CEP135: variants seen among roughly 807,000 people sequenced by gnomAD.
CEP135 encodes the protein centrosomal protein of 135 kDa.
Under a neutral mutation model 157.3 loss-of-function variants are expected in CEP135, and 142 were observed. The ratio of observed to expected loss-of-function variants is 0.90; its 90% CI spans 0.79 to 1.04. CEP135 has a LOEUF of 1.04. CEP135 is among the 50% of genes least tolerant of loss of function. The pLI is 0.00. For synonymous variants in CEP135, 396 were observed against 439.8 expected (o/e 0.90, Z 1.25); for missense variants, 1,317 against 1,309.2 (o/e 1.01, Z -0.09).
intron 5 of CEP135, among the ~76,000 whole-genome samples, chr4:55,959,039 C>T (rs1728594814): frequency 1.3e-5 from 2 of 152,130 alleles, no homozygotes; most frequent in East Asian, 1.9e-4. Context: ...GAGCTGTGAT[C>T]GGGCCACAGG....
At chr4:55,987,970 A>G (rs897145135) in intron 14 of CEP135, among the ~76,000 whole-genome samples, 1 of 152,164 alleles carries the variant, frequency 6.6e-6, no homozygotes, top group African/African-American at 2.4e-5. Context: ...AAAGCATGAC[A>G]AATCCCAAGC....
chr4:55,964,456 A>G lies in CEP135; in HGVS notation c.828+54A>G, dbSNP rs1728782594. 11 of 1,422,758 alleles carry G rather than the reference A, an allele frequency of 7.7e-6. No homozygotes were observed. In the South Asian group the frequency reaches 1.3e-4, roughly 17 times the overall value. The allele number at this position is 1,422,758 out of a possible 1,614,324, so 88.1% of individuals were successfully genotyped here. A position where few individuals can be genotyped will look rare whatever the true frequency, so the allele number is the denominator to read the frequency against. On this transcript the variant is annotated intron_variant, in intron 7 of 25. Coordinates refer to ENST00000257287, the MANE Select transcript of CEP135 (RefSeq NM_025009.5). ...GTGTATATAATGGTGTTTATAATAA[A>G]CACTATATGTTTATAATGGTCTATG...
chr4:56,004,511 T>C (rs1730285562), intron 17 of CEP135, among the ~76,000 whole-genome samples: 1 of 152,206 alleles, frequency 6.6e-6, no homozygotes, highest in African/African-American at 2.4e-5. Context: ...GGTGGTGAAG[T>C]CCCCTACCAT....
At chr4:56,029,326 C>T (rs1731259684) in intron 25 of CEP135, among the ~76,000 whole-genome samples, 1 of 152,186 alleles carries the variant, frequency 6.6e-6, no homozygotes, top group African/African-American at 2.4e-5. Flanking sequence ...CCCCTCTCCT[C>T]TTTTTGGAAG....
At chr4:55,989,364 A>G (rs1437614745) in intron 14 of CEP135, among the ~76,000 whole-genome samples, 3 of 152,232 alleles carry the variant, frequency 2.0e-5, no homozygotes, top group Non-Finnish European at 4.4e-5. Context: ...TAACAGTCAT[A>G]TAAAGTAAAT....
chr4:56,004,069 C>T (rs576782071), intron 17 of CEP135, among the ~76,000 whole-genome samples: 9 of 152,140 alleles, frequency 5.9e-5, no homozygotes, highest in Non-Finnish European at 1.0e-4. Flanking sequence ...CCTCTTAGCA[C>T]TGTTTTTGCT....
chr4:56,017,929 C>T, intron 22 of CEP135, 72 bp downstream of exon 22: 1 of 1,255,000 alleles, frequency 8.0e-7, no homozygotes, highest in African/African-American at 1.5e-5. Flanking sequence ...TTAGTATTCA[C>T]CACACCATGC....
At chr4:55,982,086 C>G (rs1488220593) in intron 13 of CEP135, among the ~76,000 whole-genome samples, 1 of 152,112 alleles carries the variant, frequency 6.6e-6, no homozygotes, top group African/African-American at 2.4e-5. Context: ...CAAAAAGAAA[C>G]TCTGAAGCAC....
intron 15 of CEP135, among the ~76,000 whole-genome samples, chr4:55,993,746 C>G (rs1377132170): frequency 6.6e-6 from 1 of 152,168 alleles, no homozygotes. Flanking sequence ...GAGGCTGTTT[C>G]CAGTCTTAGA....
At chr4:56,012,970 G>A (rs959918542) in intron 21 of CEP135, among the ~76,000 whole-genome samples, 6 of 152,222 alleles carry the variant, frequency 3.9e-5, no homozygotes, top group Non-Finnish European at 5.9e-5. Flanking sequence ...GAATAGCCAT[G>A]TGGTTTTTCC....
intron 5 of CEP135, 109 bp downstream of exon 5, chr4:55,957,473 T>G (rs777553062): frequency 4.5e-4 from 438 of 971,626 alleles, no homozygotes; most frequent in Non-Finnish European, 6.0e-4. Flanking sequence ...CTCCAGTGTC[T>G]AGCACAGAAC....
chr4:56,006,638 T>G (rs997585073), intron 17 of CEP135, among the ~76,000 whole-genome samples: 4 of 152,114 alleles, frequency 2.6e-5, no homozygotes, highest in African/African-American at 9.7e-5. Flanking sequence ...ATTAAAAATT[T>G]TTTTCTGATA....
chr4:55,999,298 TTAGGA>T lies in CEP135; in HGVS notation c.2010_2014del (p.Arg670SerfsTer3). The T allele has an allele frequency of 1.4e-5, 22 of 1,608,700 alleles. No individual in the cohort carries two copies. The highest frequency in any genetic ancestry group is 1.9e-5 in the Non-Finnish European group (22 of 1,176,334). On this transcript the variant is annotated splice_acceptor_variant and splice_polypyrimidine_tract_variant and coding_sequence_variant and intron_variant, in exon 16 of 26. Transcript: ENST00000257287. LOFTEE classifies it high-confidence loss of function. ...CCATTTGTTTTTGTCCATTGATTCT[TTAGGA>T]TAGTGAATGAGCAGCTACAGCGGTC...
intron 13 of CEP135, among the ~76,000 whole-genome samples, chr4:55,984,563 GGTATAGA>G (rs1729513250): frequency 6.6e-6 from 1 of 152,100 alleles, no homozygotes; most frequent in African/African-American, 2.4e-5. Context: ...CTTGGTGCTT[GGTATAGA>G]GTATGTACTC....
chr4:55,964,250 A>C (rs1483521483), intron 6 of CEP135, 24 bp from the exon 7 acceptor site: 1 of 1,577,068 alleles, frequency 6.3e-7, no homozygotes. Context: ...ATTTTTTAAA[A>C]TGACAGCATG....
At chr4:55,988,097 TAAAG>T (rs2109695454) in intron 14 of CEP135, among the ~76,000 whole-genome samples, 2 of 151,858 alleles carry the variant, frequency 1.3e-5, no homozygotes, top group East Asian at 3.9e-4. Flanking sequence ...TGAAAGTCAT[TAAAG>T]AAAGCCTAAA....
intron 6 of CEP135, among the ~76,000 whole-genome samples, chr4:55,961,181 T>C (rs549022765): frequency 6.6e-6 from 1 of 151,332 alleles, no homozygotes; most frequent in South Asian, 2.1e-4. Flanking sequence ...AAATATCCAA[T>C]ATGCACATGA....
chr4:55,978,969 G>T (rs770197519), intron 11 of CEP135, among the ~76,000 whole-genome samples: 2 of 152,120 alleles, frequency 1.3e-5, no homozygotes, highest in Non-Finnish European at 2.9e-5. Flanking sequence ...TAAAGAGTTC[G>T]GATAACTAAT....
rs749151464 is a variant in CEP135 at position 55,959,674 on chromosome 4, CT to C, written c.615-4del. Reference sequence around the variant, plus strand: ...AGTGTATTGGCATTAATTTAAAGTGCTTTTCAGGATTCAAGAACTTCAACAG... The same window carrying C: ...AGTGTATTGGCATTAATTTAAAGTGCTTTCAGGATTCAAGAACTTCAACAG... On this transcript the variant is annotated splice_region_variant and splice_polypyrimidine_tract_variant and intron_variant, in intron 5 of 25. Transcript: ENST00000257287. 1.9e-6 allele frequency: 3 copies of C among 1,612,042 alleles called. No individual in the cohort carries two copies. The highest frequency in any genetic ancestry group is 2.5e-6 in the Non-Finnish European group (3 of 1,178,268).
Sources: gnomAD v4.1 joint callset for allele counts (sites outside exome capture counted in the v4.1 genomes callset) on GRCh38, gnomAD v4.1.1 for gene constraint, MANE v1.5 for transcripts, NCBI Gene and HGNC (gene_info 2026-07-23, HGNC 2026-07-21) for gene names.